SHROOM2: variants seen among roughly 807,000 people sequenced by gnomAD.
The protein encoded by SHROOM2 is shroom family member 2, also known as protein Shroom2.
SHROOM2 carries 33 observed loss-of-function variants against 75.9 expected under a neutral mutation model. The observed-to-expected ratio is 0.43, with a 90% CI of 0.33 to 0.58. The LOEUF (loss-of-function observed/expected upper bound fraction) is 0.58. SHROOM2 is among the 20% of genes least tolerant of loss of function. The pLI, the probability that SHROOM2 is intolerant of heterozygous loss-of-function variation, is 0.04. For synonymous variants in SHROOM2, 655 were observed against 663.6 expected (o/e 0.99, Z 0.20); for missense variants, 1,434 against 1,461.2 (o/e 0.98, Z 0.30).
intron 5 of SHROOM2, among the ~76,000 whole-genome samples, chrX:9,910,082 G>C (rs758632202): frequency 9.0e-6 from 1 of 110,605 alleles, no homozygotes; most frequent in East Asian, 2.9e-4. Context: ...CTGGGGGTTA[G>C]GTTTCAACAT....
intron 1 of SHROOM2, among the ~76,000 whole-genome samples, chrX:9,833,645 T>C (rs866544777): frequency 4.7e-4 from 47 of 100,146 alleles, no homozygotes; most frequent in Middle Eastern, 0.011. Context: ...TGTGTGTGTG[T>C]GCATGCACGT....
chrX:9,871,391 G>C lies in SHROOM2; in HGVS notation c.166-2261G>C, dbSNP rs1403452894. 5.4e-5 allele frequency among the ~76,000 whole-genome samples: 6 copies of C among 111,468 alleles called. No homozygotes were observed. In the South Asian group the frequency reaches 1.5e-3, roughly 28 times the overall value. ...AAGCCTTTCCTCTGTGAAGAAACCT[G>C]GGGGGAGGGTTGCTCCAGATCCCCA... On this transcript the variant is annotated intron_variant, in intron 1 of 9. Coordinates refer to ENST00000380913, the MANE Select transcript of SHROOM2 (RefSeq NM_001649.4).
At chrX:9,894,242 A>C (rs12014321) in intron 3 of SHROOM2, 116 bp from the exon 4 acceptor site, 2 of 677,104 alleles carry the variant, frequency 3.0e-6, no homozygotes, top group African/African-American at 2.2e-5. Flanking sequence ...ACCGTGGGAA[A>C]TTACTGTTTG....
intron 7 of SHROOM2, among the ~76,000 whole-genome samples, chrX:9,938,417 G>C (rs1338061220): frequency 9.1e-6 from 1 of 110,390 alleles, no homozygotes; most frequent in Non-Finnish European, 1.9e-5. Context: ...GCCAGGCGTG[G>C]TGGTAGACAC....
chrX:9,810,818 C>T (rs1238587904), intron 1 of SHROOM2, among the ~76,000 whole-genome samples: 1 of 110,561 alleles, frequency 9.0e-6, no homozygotes, highest in Non-Finnish European at 1.9e-5. Context: ...AGTATTGTCA[C>T]CTAATTGGTG....
intron 1 of SHROOM2, among the ~76,000 whole-genome samples, chrX:9,836,795 G>C (rs1220788328): frequency 9.0e-6 from 1 of 111,073 alleles, no homozygotes; most frequent in Non-Finnish European, 1.9e-5. Flanking sequence ...GTTCAAAGGT[G>C]TGCATCCTTC....
rs1293537759 is a variant in SHROOM2, at chrX:9,823,756, C to CTTTTTTTTTT, written c.165+37052_165+37053insTTTTTTTTTT. On this transcript the variant is annotated intron_variant, in intron 1 of 9. Transcript: ENST00000380913. Reference sequence around the variant, plus strand: ...ACATTTTTTTTCTTTTTTCTTTTTTCTTTTTTCTTTTTTTTTTTTTGAGAC... The same window carrying CTTTTTTTTTT: ...ACATTTTTTTTCTTTTTTCTTTTTTCTTTTTTTTTTTTTTTTCTTTTTTTTTTTTTGAGAC... 5.8e-5 allele frequency among the ~76,000 whole-genome samples: 5 copies of CTTTTTTTTTT among 85,893 alleles called. 1 individual carries two copies. The highest frequency in any genetic ancestry group is 6.7e-5 in the Non-Finnish European group (3 of 44,748). The allele number at this position is 85,893 out of a possible 115,157, so 74.6% of individuals were successfully genotyped here. A position where few individuals can be genotyped will look rare whatever the true frequency, so the allele number is the denominator to read the frequency against.
chrX:9,932,413 C>T lies in SHROOM2; in HGVS notation c.3130C>T (p.Arg1044Ter). ...GAGCCCTGGCTCACCCCTGCATGCTCGAGGACAAGACTCGTGGCCAGTGAG... is the reference window on the plus strand; with the variant it reads ...GAGCCCTGGCTCACCCCTGCATGCTTGAGGACAAGACTCGTGGCCAGTGAG... ...AQSPGSPLHA[R>*]GQDSWPVSSA... The change falls in exon 6 of 10, where the codon CGA becomes TGA. Residue 1044 changes from arginine to a stop codon, truncating the protein, a stop_gained. Transcript: ENST00000380913. LOFTEE classifies it high-confidence loss of function. 2.5e-6 allele frequency: 3 copies of T among 1,208,673 alleles called. No individual in the cohort carries two copies. The highest frequency in any genetic ancestry group is 3.4e-6 in the Non-Finnish European group (3 of 893,798).
Position 9,840,416 on chromosome X carries a change from C to T in SHROOM2, c.166-33236C>T, listed in dbSNP as rs992165716. Among the ~76,000 whole-genome samples, 6 of 111,306 alleles carry T rather than the reference C, an allele frequency of 5.4e-5. No homozygotes were observed. In the East Asian group the frequency reaches 1.1e-3, roughly 21 times the overall value. On this transcript the variant is annotated intron_variant, in intron 1 of 9. Transcript: ENST00000380913. Reference sequence around the variant, plus strand: ...CCAAGTAGCTGGGACTACAGGTGTGCGCCACCACACTGGCTAATTTTTTGT... The same window carrying T: ...CCAAGTAGCTGGGACTACAGGTGTGTGCCACCACACTGGCTAATTTTTTGT...
chrX:9,862,103 A>C (rs921525089), intron 1 of SHROOM2, among the ~76,000 whole-genome samples: 3 of 112,240 alleles, frequency 2.7e-5, no homozygotes, highest in African/African-American at 9.7e-5. Context: ...GTGTACATGC[A>C]AAGCTCAAAA....
chrX:9,891,899 G>T (rs2084295803), intron 3 of SHROOM2, among the ~76,000 whole-genome samples: 1 of 109,535 alleles, frequency 9.1e-6, no homozygotes, highest in African/African-American at 3.3e-5. Context: ...GTGTGCGCGT[G>T]CGTGCACACG....
At chrX:9,790,053 C>T (rs917905052) in intron 1 of SHROOM2, among the ~76,000 whole-genome samples, 3 of 112,196 alleles carry the variant, frequency 2.7e-5, no homozygotes, top group African/African-American at 9.7e-5. Flanking sequence ...TTTGAAATGT[C>T]CTTTCCAGTG....
At chrX:9,899,170 G>A (rs1473650634) in intron 5 of SHROOM2, among the ~76,000 whole-genome samples, 2 of 110,420 alleles carry the variant, frequency 1.8e-5, no homozygotes, top group South Asian at 3.9e-4. Flanking sequence ...GTTCAAGCAC[G>A]AGAATCGCTT....
At chrX:9,854,933 A>G (rs927314536) in intron 1 of SHROOM2, among the ~76,000 whole-genome samples, 4 of 111,053 alleles carry the variant, frequency 3.6e-5, no homozygotes, top group Non-Finnish European at 7.5e-5. Context: ...AAAGAATGCC[A>G]CGGGTGAGTC....
intron 1 of SHROOM2, among the ~76,000 whole-genome samples, chrX:9,792,000 AGAAT>A: frequency 0.012 from 1 of 81 alleles, no homozygotes; most frequent in South Asian, 0.029. Context: ...AGAATAGAAT[AGAAT>A]AGAATAGAAT....
intron 1 of SHROOM2, among the ~76,000 whole-genome samples, chrX:9,851,170 G>A (rs2084037484): frequency 9.0e-6 from 1 of 111,538 alleles, no homozygotes; most frequent in Non-Finnish European, 1.9e-5. Context: ...CACCAAGCCT[G>A]GCTAACGCTT....
At chrX:9,837,857 C>T (rs1184773543) in intron 1 of SHROOM2, among the ~76,000 whole-genome samples, 2 of 110,614 alleles carry the variant, frequency 1.8e-5, no homozygotes, top group Non-Finnish European at 3.8e-5. Context: ...TTGGGCCAGG[C>T]GGGGTGCCTT....
chrX:9,937,475 CTG>C lies in SHROOM2; in HGVS notation c.3932_3933del (p.Val1311GlyfsTer17). The C allele has an allele frequency of 1.7e-6, 2 of 1,211,406 alleles. No individual in the cohort carries two copies. The highest frequency in any genetic ancestry group is 2.2e-6 in the Non-Finnish European group (2 of 895,457). ...AGCTACATGAAGGCCAAAGAGAAGACTGTGGAAGACCTGAAGTCGGAGGAGCT... is the reference window on the plus strand; with the variant it reads ...AGCTACATGAAGGCCAAAGAGAAGACTGGAAGACCTGAAGTCGGAGGAGCT... On this transcript the variant is annotated frameshift_variant, in exon 7 of 10. Transcript: ENST00000380913. LOFTEE classifies it high-confidence loss of function.
At chrX:9,892,417 AAC>A (rs2084299488) in intron 3 of SHROOM2, among the ~76,000 whole-genome samples, 2 of 110,563 alleles carry the variant, frequency 1.8e-5, no homozygotes, top group Admixed American at 9.6e-5. Context: ...GGAAAAAAAA[AAC>A]ACAAAAAAAC....
Sources: allele counts gnomAD v4.1 joint callset (sites outside exome capture counted in the v4.1 genomes callset), GRCh38; gene constraint gnomAD v4.1.1; transcripts MANE v1.5; gene names NCBI Gene and HGNC (gene_info 2026-07-23, HGNC 2026-07-21).